Variants in ELP2 observed in about 807,000 individuals in gnomAD.
ELP2 encodes the protein elongator complex protein 2.
In ELP2, 90 loss-of-function variants were observed where a neutral mutation model predicts 119.2. The observed-to-expected ratio is 0.75, with a 90% confidence interval of 0.64 to 0.90. ELP2 has a LOEUF of 0.90. Among genes scored for constraint, ELP2 ranks in the 40% least tolerant of loss-of-function variants. ELP2 has a pLI of 0.00. For synonymous variants in ELP2, 339 were observed against 331.0 expected (o/e 1.02, Z -0.26); for missense variants, 921 against 967.8 (o/e 0.95, Z 0.64).
In ELP2 at chr18:36,146,278, C is replaced by G; in HGVS notation, c.1022C>G (p.Thr341Ser). Residue 341 changes from threonine to serine, a missense_variant, in exon 11 of 22, where the codon ACT becomes AGT. Physicochemically the swap from Thr to Ser is moderately conservative, Grantham distance 58. Transcript: ENST00000358232. ...QVRVGEVGGN[T>S]LGFYDCQFNE... ...CGAGTAGGTGAAGTAGGTGGGAATA[C>G]TTTGGGATTTTATGATTGCCAGTTC... The G allele has an allele frequency of 1.9e-6, 3 of 1,614,074 alleles. No homozygotes were observed. Among genetic ancestry groups the G allele is most frequent in the Non-Finnish European group, 2.5e-6 (3 of 1,179,966 alleles).
At chr18:36,146,120 TGA>T in intron 10 of ELP2, 72 bp downstream of exon 10, 1 of 1,557,872 alleles carries the variant, frequency 6.4e-7, no homozygotes, top group Non-Finnish European at 8.9e-7. Flanking sequence ...AAGTCTATAT[TGA>T]TAGACCTGCA....
chr18:36,160,909 C>A, intron 16 of ELP2, 23 bp from the exon 17 acceptor site: 1 of 1,543,566 alleles, frequency 6.5e-7, no homozygotes, highest in Non-Finnish European at 9.0e-7. Flanking sequence ...GCTAATAGTA[C>A]TTTTTTTCTT....
intron 20 of ELP2, chr18:36,170,820 A>G (rs635908): frequency 0.99 from 557,341 of 565,416 alleles, 275,159 homozygotes; most frequent in East Asian, 1. Flanking sequence ...ACACTGGCTC[A>G]TGGGCCTTGC....
intron 2 of ELP2, among the ~76,000 whole-genome samples, chr18:36,133,731 TA>T (rs1475776939): frequency 2.4e-4 from 12 of 49,276 alleles, no homozygotes; most frequent in African/African-American, 5.9e-4. Context: ...TTTATTTATT[TA>T]TTTATTTTTT....
chr18:36,162,855 A>G (rs540241374), intron 17 of ELP2, among the ~76,000 whole-genome samples: 3 of 152,170 alleles, frequency 2.0e-5, no homozygotes, highest in Non-Finnish European at 4.4e-5. Flanking sequence ...ATATGGTGAA[A>G]CTATTCAAAT....
intron 1 of ELP2, among the ~76,000 whole-genome samples, chr18:36,130,335 C>T (rs1201289546): frequency 3.3e-5 from 5 of 152,166 alleles, no homozygotes; most frequent in Admixed American, 6.5e-5. Flanking sequence ...CGCAGAAACC[C>T]GAATGATAAG....
rs1446091609 is a variant in ELP2, at chr18:36,170,504, G to A, written c.2210+308G>A. ...TTTTTTTATATTTTTAATAGAGATG[G>A]GGTTTCACCATGTTGGTCAGGCAGG... On this transcript the variant is annotated intron_variant, in intron 20 of 21. Transcript: ENST00000358232. 2.6e-5 allele frequency among the ~76,000 whole-genome samples: 4 copies of A among 151,920 alleles called. No individual in the cohort carries two copies. The East Asian group carries it at 7.7e-4, about 29-fold the overall frequency.
At chr18:36,136,125 A>G (rs2089814419) in intron 2 of ELP2, among the ~76,000 whole-genome samples, 182 bp from the exon 3 acceptor site, 1 of 152,096 alleles carries the variant, frequency 6.6e-6, no homozygotes, top group East Asian at 1.9e-4. Flanking sequence ...TTTGCCTCCT[A>G]AAAGGTGTGT....
chr18:36,163,332 T>C (rs2090799706), intron 17 of ELP2, among the ~76,000 whole-genome samples: 1 of 148,250 alleles, frequency 6.7e-6, no homozygotes, highest in African/African-American at 2.5e-5. Flanking sequence ...AATTATCCAT[T>C]GATGGACACT....
In ELP2 at chr18:36,156,455, G is replaced by A. The variant is rs73428961; in HGVS notation, c.1276-11G>A. On this transcript the variant is annotated splice_polypyrimidine_tract_variant and intron_variant, in intron 12 of 21. Transcript: ENST00000358232. The stretch of plus-strand genomic sequence containing the variant: ...TTGAATGATCATTTTTGTTTATCCC[G>A]TTTTACCCAGGTGACTTGGCATGAA... The A allele has an allele frequency of 0.012, 18,579 of 1,613,588 alleles. 1,044 individuals are homozygous for A. In the African/African-American group the frequency reaches 0.15, roughly 13 times the overall value.
At chr18:36,166,948 G>A (rs992535775) in intron 18 of ELP2, 153 bp from the exon 19 acceptor site, 1 of 624,932 alleles carries the variant, frequency 1.6e-6, no homozygotes. Context: ...TCTGGTGAGG[G>A]GTTGGTTGCC....
At chr18:36,172,732 C>T (rs2091118247) in intron 21 of ELP2, among the ~76,000 whole-genome samples, 1 of 152,216 alleles carries the variant, frequency 6.6e-6, no homozygotes, top group African/African-American at 2.4e-5. Context: ...GTGAAGACCT[C>T]TTCAATGGCC....
rs1158866118 is a variant in ELP2, at chr18:36,139,482, T to C, written c.523+610T>C. 4 of 1,535,724 alleles carry C rather than the reference T, an allele frequency of 2.6e-6. No individual in the cohort carries two copies. Among genetic ancestry groups the C allele is most frequent in the African/African-American group, 2.7e-5 (2 of 73,172 alleles). ...TGGAAGCCACCAGCCTCTCTCGCCCTCTGTAGCAGGAGCTGCGACTCTATG... is the reference window on the plus strand; with the variant it reads ...TGGAAGCCACCAGCCTCTCTCGCCCCCTGTAGCAGGAGCTGCGACTCTATG... On this transcript the variant is annotated intron_variant, in intron 5 of 21. Transcript: ENST00000358232.
In ELP2 at chr18:36,175,236, A is replaced by G. The variant is rs556139122; in HGVS notation, c.*595A>G. The G allele has an allele frequency of 6.6e-6, 1 of 152,556 alleles. No individual in the cohort carries two copies. The highest frequency in any genetic ancestry group is 6.5e-5 in the Admixed American group (1 of 15,336). The allele number at this position is 152,556 out of a possible 1,614,324, so 9.5% of individuals were successfully genotyped here. A position where few individuals can be genotyped will look rare whatever the true frequency, so the allele number is the denominator to read the frequency against. ...CAATTTTGTGTTATTTTGGGACTTA[A>G]TTTGTCCCTCTTTGGGACATTTCCT... is the stretch of plus-strand genomic sequence containing the variant. On this transcript the variant is annotated 3_prime_UTR_variant, in exon 22 of 22. Coordinates refer to ENST00000358232, the MANE Select transcript of ELP2 (RefSeq NM_018255.4).
Position 36,164,454 on chromosome 18 carries a change from T to G in ELP2, c.1762-21T>G, listed in dbSNP as rs371715272. The G allele has an allele frequency of 3.1e-5, 49 of 1,606,482 alleles. No homozygotes were observed. In the African/African-American group the frequency reaches 6.6e-4, roughly 21 times the overall value. On this transcript the variant is annotated intron_variant, in intron 17 of 21. Coordinates refer to ENST00000358232, the MANE Select transcript of ELP2 (RefSeq NM_018255.4). Reference sequence around the variant, plus strand: ...GTTTATTTTTACTTACTAGCTTCATTGTTTCATCTCTGTCCTATAGGCAGC... The same window carrying G: ...GTTTATTTTTACTTACTAGCTTCATGGTTTCATCTCTGTCCTATAGGCAGC...
Position 36,141,202 on chromosome 18 carries a change from GTAA to G in ELP2, c.588+6_588+8del. On this transcript the variant is annotated splice_donor_variant and splice_donor_region_variant and intron_variant, in intron 6 of 21. Transcript: ENST00000358232. LOFTEE classifies it high-confidence loss of function. ...CATATTTGCTCAACAAAATGATCAG[GTAA>G]TAATGTTTATATTAAGAGGCTGGAA... The G allele has an allele frequency of 1.9e-6, 3 of 1,606,682 alleles. No homozygotes were observed. Among genetic ancestry groups the G allele is most frequent in the Non-Finnish European group, 2.6e-6 (3 of 1,173,360 alleles).
intron 3 of ELP2, chr18:36,136,630 AC>A (rs2089836954): frequency 4.7e-6 from 2 of 428,754 alleles, no homozygotes; most frequent in East Asian, 4.2e-5. Context: ...TTTTATATAT[AC>A]TTTTATTTTA....
At chr18:36,146,501 A>T in intron 11 of ELP2, 120 bp downstream of exon 11, 1 of 1,130,206 alleles carries the variant, frequency 8.8e-7, no homozygotes, top group Non-Finnish European at 1.3e-6. Context: ...TTCAAGTGAC[A>T]TAACTTTTTT....
rs1005852921 is a variant in ELP2, at chr18:36,176,429, A to G, written c.*1788A>G. On this transcript the variant is annotated 3_prime_UTR_variant, in exon 22 of 22. Coordinates refer to ENST00000358232, the MANE Select transcript of ELP2 (RefSeq NM_018255.4). ...CATGGGCTTGTTCTGACCCAAGTGC[A>G]TGCAGGCTTCCAGAGCAGATTCAGA... 2 of 152,228 alleles carry G rather than the reference A, an allele frequency of 1.3e-5. No individual in the cohort carries two copies. The highest frequency in any genetic ancestry group is 6.5e-5 in the Admixed American group (1 of 15,278). The allele number at this position is 152,228 out of a possible 1,614,324, so 9.4% of individuals were successfully genotyped here. A position where few individuals can be genotyped will look rare whatever the true frequency, so the allele number is the denominator to read the frequency against.
Sources: allele counts gnomAD v4.1 joint callset (sites outside exome capture counted in the v4.1 genomes callset), GRCh38; gene constraint gnomAD v4.1.1; transcripts MANE v1.5; gene names NCBI Gene and HGNC (gene_info 2026-07-23, HGNC 2026-07-21).